The following RB1 variants were observed in gnomAD, a reference collection of about 807,000 sequenced individuals.
The protein encoded by RB1 is retinoblastoma-associated protein.
Under a neutral mutation model 135.4 loss-of-function variants are expected in RB1, and 18 were observed. The observed-to-expected ratio is 0.13, with a 90% CI of 0.09 to 0.20. The LOEUF (loss-of-function observed/expected upper bound fraction) is 0.20, where lower values mean the gene tolerates loss of function less well. Among genes scored for constraint, RB1 ranks in the 10% least tolerant of loss-of-function variants. RB1 has a pLI of 1.00. For synonymous variants in RB1, 365 were observed against 373.2 expected (o/e 0.98, Z 0.25); for missense variants, 868 against 1,110.0 (o/e 0.78, Z 3.10).
intron 17 of RB1, among the ~76,000 whole-genome samples, chr13:48,448,905 A>G (rs986489336): frequency 6.6e-6 from 1 of 152,188 alleles, no homozygotes; most frequent in African/African-American, 2.4e-5. Context: ...AGTAAACTTC[A>G]AACTAGTAAA....
intron 2 of RB1, among the ~76,000 whole-genome samples, chr13:48,325,228 G>T (rs946362152): frequency 3.3e-5 from 5 of 152,130 alleles, no homozygotes; most frequent in African/African-American, 1.2e-4. Context: ...AGAACATGCA[G>T]CATTTGGTTT....
chr13:48,464,983 A>G lies in RB1; in HGVS notation c.2212-15A>G, dbSNP rs372815788. ...CTTTTTTTTTTTTTTTTTTTTTTTT[A>G]CTGTTCTTCCTCAGACATTCAAACG... On this transcript the variant is annotated splice_polypyrimidine_tract_variant and intron_variant, in intron 21 of 26. Transcript: ENST00000267163. The G allele has an allele frequency of 1.2e-4, 85 of 702,060 alleles. No homozygotes were observed. The African/African-American group carries it at 2.6e-3, about 22-fold the overall frequency. The allele number at this position is 702,060 out of a possible 1,614,324, so 43.5% of individuals were successfully genotyped here.
intron 8 of RB1, 84 bp downstream of exon 8, chr13:48,363,041 A>T: frequency 2.6e-6 from 4 of 1,526,076 alleles, no homozygotes; most frequent in Non-Finnish European, 3.6e-6. Context: ...TTCTTTTGTT[A>T]TGAGCATGTT....
intron 2 of RB1, among the ~76,000 whole-genome samples, chr13:48,334,449 C>T (rs1172382631): frequency 2.0e-5 from 3 of 152,160 alleles, no homozygotes; most frequent in Non-Finnish European, 4.4e-5. Flanking sequence ...CCCTATTTCT[C>T]TGTAATACCT....
chr13:48,404,289 A>C (rs1163921762), intron 17 of RB1: 3 of 152,222 alleles, frequency 2.0e-5, no homozygotes, highest in African/African-American at 7.2e-5. Flanking sequence ...TAGGAAAGGC[A>C]GTTCTTCCTA....
intron 17 of RB1, among the ~76,000 whole-genome samples, chr13:48,387,371 C>T (rs1187615394): frequency 6.6e-6 from 1 of 152,126 alleles, no homozygotes; most frequent in Non-Finnish European, 1.5e-5. Flanking sequence ...AAGCTATTAG[C>T]TACTTTATGC....
At chr13:48,409,122 C>T (rs1948765521) in intron 17 of RB1, among the ~76,000 whole-genome samples, 2 of 148,654 alleles carry the variant, frequency 1.3e-5, no homozygotes, top group South Asian at 4.2e-4. Flanking sequence ...AGTATCTTCA[C>T]TAGTTTTTTG....
rs186925699 is a variant in RB1, at chr13:48,474,630, T to C, written c.2520+1240T>C. ...CTTCCATACATATGCACTTTTTGCT[T>C]GTCCTTCCTCTCAGACTTCTAGGAT... is the stretch of plus-strand genomic sequence containing the variant. On this transcript the variant is annotated intron_variant, in intron 24 of 26. Coordinates refer to ENST00000267163, the MANE Select transcript of RB1 (RefSeq NM_000321.3). Among the ~76,000 whole-genome samples the C allele has an allele frequency of 1.2e-4, 19 of 152,192 alleles. No individual in the cohort carries two copies. In the East Asian group the frequency reaches 2.3e-3, roughly 19 times the overall value.
At chr13:48,437,830 G>A (rs1949199668) in intron 17 of RB1, among the ~76,000 whole-genome samples, 1 of 152,178 alleles carries the variant, frequency 6.6e-6, no homozygotes, top group Non-Finnish European at 1.5e-5. Context: ...CCCTGGTACA[G>A]TTTAGGAACT....
chr13:48,317,635 G>A (rs1376405698), intron 2 of RB1: 2 of 495,478 alleles, frequency 4.0e-6, no homozygotes, highest in Non-Finnish European at 6.5e-6. Context: ...TCTCCTGCTC[G>A]CTGAGAGCCC....
chr13:48,315,021 T>G (rs969373567), intron 2 of RB1, among the ~76,000 whole-genome samples: 3 of 152,170 alleles, frequency 2.0e-5, no homozygotes, highest in Non-Finnish European at 4.4e-5. Flanking sequence ...TCTTTTTCAG[T>G]TCCATATGAA....
chr13:48,460,819 G>C (rs1335216026), intron 20 of RB1, among the ~76,000 whole-genome samples: 1 of 152,088 alleles, frequency 6.6e-6, no homozygotes, highest in Non-Finnish European at 1.5e-5. Context: ...AAATTAGCCA[G>C]GTGTGGTGAC....
Position 48,345,123 on chromosome 13 carries a change from A to G in RB1, c.424A>G (p.Thr142Ala), listed in dbSNP as rs1307149332. The change falls in exon 4 of 27, where the codon ACC becomes GCC. Residue 142 changes from threonine to alanine, a missense_variant. By Grantham distance (58) the Thr-to-Ala change is moderately conservative (BLOSUM62 0). Around this residue, in one of 3 missense-constraint regions of RB1, gnomAD observed 641 missense variants for 791.3 expected, o/e 0.81. Transcript: ENST00000267163. Reference protein sequence around the residue: ...FNLLKEIDTSTKVDNAMSRLL... With the variant: ...FNLLKEIDTSAKVDNAMSRLL... ...CTTACTAAAAGAAATTGATACCAGT[A>G]CCAAAGTTGATAATGCTATGTCAAG... 2 of 1,612,842 alleles carry G rather than the reference A, an allele frequency of 1.2e-6. No homozygotes were observed. Among genetic ancestry groups the G allele is most frequent in the Non-Finnish European group, 1.7e-6 (2 of 1,179,558 alleles).
intron 13 of RB1, among the ~76,000 whole-genome samples, chr13:48,378,939 G>A (rs772309853): frequency 1.3e-5 from 2 of 152,094 alleles, no homozygotes; most frequent in Non-Finnish European, 2.9e-5. Context: ...GAAATAATAT[G>A]GTGTGTGTTT....
intron 17 of RB1, among the ~76,000 whole-genome samples, chr13:48,424,419 A>C (rs2138256147): frequency 6.6e-6 from 1 of 152,344 alleles, no homozygotes; most frequent in Non-Finnish European, 1.5e-5. Flanking sequence ...AGAAGAGGAA[A>C]GATTTAAAGG....
At position 48,461,943 on chromosome 13, in the gene RB1, C is replaced by T. The variant is rs112359287; in HGVS notation, c.2107-1788C>T. Among the ~76,000 whole-genome samples the T allele has an allele frequency of 4.5e-3, 690 of 152,278 alleles. 3 individuals are homozygous for T. Among genetic ancestry groups the T allele is most frequent in the African/African-American group, 0.016 (654 of 41,562 alleles). ...CGCCTTCTGGGTTCAAGCAATTCTTCTGCCTCAGCCTCCTGAGTAGCTGGG... is the reference window on the plus strand; with the variant it reads ...CGCCTTCTGGGTTCAAGCAATTCTTTTGCCTCAGCCTCCTGAGTAGCTGGG... On this transcript the variant is annotated intron_variant, in intron 20 of 26. Transcript: ENST00000267163.
intron 17 of RB1, among the ~76,000 whole-genome samples, chr13:48,383,507 G>A (rs985076899): frequency 1.3e-5 from 2 of 151,762 alleles, no homozygotes; most frequent in South Asian, 2.1e-4. Flanking sequence ...AAGACTTTAG[G>A]TATGCCATAA....
intron 17 of RB1, among the ~76,000 whole-genome samples, chr13:48,446,047 C>T (rs531829370): frequency 1.3e-5 from 2 of 152,200 alleles, no homozygotes; most frequent in Admixed American, 6.5e-5. Context: ...AACCTCTGCC[C>T]TCTGGGTTCA....
intron 2 of RB1, among the ~76,000 whole-genome samples, chr13:48,321,388 C>T (rs1482541569): frequency 2.1e-5 from 3 of 144,978 alleles, no homozygotes; most frequent in Non-Finnish European, 3.1e-5. Context: ...GCCCGGGCCC[C>T]GCCTCCCCGC....
Sources: gnomAD v4.1 joint callset for allele counts (sites outside exome capture counted in the v4.1 genomes callset) on GRCh38, gnomAD v4.1.1 for gene constraint, gnomAD v4.1.1 regional missense constraint, MANE v1.5 for transcripts, NCBI Gene and HGNC (gene_info 2026-07-23, HGNC 2026-07-21) for gene names.